Variants in ATG7 observed in about 807,000 individuals in gnomAD.
ATG7 encodes ubiquitin-like modifier-activating enzyme ATG7.
ATG7 carries 70 observed loss-of-function variants against 82.4 expected under a neutral mutation model. That is an observed-to-expected ratio of 0.85 (90% confidence interval 0.70 to 1.04). The LOEUF is 1.04. ATG7 is among the 50% of genes least tolerant of loss of function. ATG7 has a pLI of 0.00. For missense variants in ATG7, 792 were observed against 864.3 expected (o/e 0.92, Z 1.05); for synonymous variants, 287 against 313.0 (o/e 0.92, Z 0.88).
intron 9 of ATG7, among the ~76,000 whole-genome samples, chr3:11,318,695 C>T (rs868139778): frequency 1.3e-5 from 2 of 152,168 alleles, no homozygotes; most frequent in African/African-American, 2.4e-5. Context: ...TCTTCAGTTC[C>T]AGTTCCTGTC....
chr3:11,378,569 C>T (rs1015832586), intron 18 of ATG7, among the ~76,000 whole-genome samples: 1 of 149,396 alleles, frequency 6.7e-6, no homozygotes, highest in Non-Finnish European at 1.5e-5. Flanking sequence ...CCTGTAATTC[C>T]AGCTACTCGG....
At chr3:11,560,555 C>T (rs1477063830), downstream of ATG7, among the ~76,000 whole-genome samples, 2 of 152,220 alleles carry the variant, frequency 1.3e-5, no homozygotes, top group African/African-American at 4.8e-5. Context: ...GCCAGACCTT[C>T]TCATGATAGA....
chr3:11,379,642 T>G (rs1471364081), intron 18 of ATG7, among the ~76,000 whole-genome samples: 1 of 152,232 alleles, frequency 6.6e-6, no homozygotes, highest in Non-Finnish European at 1.5e-5. Flanking sequence ...CCAGTGGACC[T>G]GTTCAACATT....
intron 19 of ATG7, among the ~76,000 whole-genome samples, chr3:11,390,209 T>A (rs566381883): frequency 5.3e-5 from 8 of 152,240 alleles, no homozygotes; most frequent in Non-Finnish European, 2.9e-5. Flanking sequence ...TACAATATTT[T>A]CGTTATTTCA....
chr3:11,563,787 A>G, the ATG7 span, among the ~76,000 whole-genome samples: 3 of 152,190 alleles, frequency 2.0e-5, no homozygotes, highest in Non-Finnish European at 4.4e-5. Context: ...TGAATCAAAC[A>G]AACAGGATTA....
intron 20 of ATG7, among the ~76,000 whole-genome samples, chr3:11,439,608 A>G (rs1363078517): frequency 6.6e-6 from 1 of 152,180 alleles, no homozygotes; most frequent in Non-Finnish European, 1.5e-5. Flanking sequence ...ATAGGACAGG[A>G]AAGTCACTAG....
At chr3:11,366,874 C>T (rs543420816) in intron 18 of ATG7, among the ~76,000 whole-genome samples, 2 of 151,726 alleles carry the variant, frequency 1.3e-5, no homozygotes, top group African/African-American at 4.8e-5. Flanking sequence ...TCTTTCTCCT[C>T]GTTTTCAAAT....
intron 20 of ATG7, among the ~76,000 whole-genome samples, chr3:11,508,774 T>A (rs2091884975): frequency 2.0e-5 from 3 of 152,160 alleles, no homozygotes; most frequent in Non-Finnish European, 4.4e-5. Flanking sequence ...TTTGAACTAA[T>A]AATCCTCAGT....
intron 18 of ATG7, among the ~76,000 whole-genome samples, chr3:11,365,948 G>A (rs972380977): frequency 6.6e-6 from 1 of 152,196 alleles, no homozygotes; most frequent in Non-Finnish European, 1.5e-5. Context: ...GGCCGGGCGC[G>A]GTGACTCATG....
chr3:11,475,438 G>A (rs906755355), intron 20 of ATG7, among the ~76,000 whole-genome samples: 3 of 152,154 alleles, frequency 2.0e-5, no homozygotes, highest in African/African-American at 4.8e-5. Context: ...GGCGAGATGC[G>A]TCAGGATTCA....
chr3:11,313,032 A>G (rs1020890966), intron 7 of ATG7, among the ~76,000 whole-genome samples: 2 of 152,212 alleles, frequency 1.3e-5, no homozygotes, highest in Non-Finnish European at 2.9e-5. Flanking sequence ...TATCAATTAC[A>G]TATTGCACAT....
rs1026496325 is a variant in ATG7, at chr3:11,555,639, G to A, written c.*796G>A. The stretch of plus-strand genomic sequence containing the variant: ...GCCAGGCCCAGAAAGGCCGAGCCTG[G>A]GCTGCCTTCCTGCCCCAGCCGAGGG... On this transcript the variant is annotated 3_prime_UTR_variant, in exon 21 of 21. Transcript: ENST00000693202. The A allele has an allele frequency of 6.6e-6, 1 of 152,234 alleles. No individual in the cohort carries two copies. Among genetic ancestry groups the A allele is most frequent in the Non-Finnish European group, 1.5e-5 (1 of 68,120 alleles). The allele number at this position is 152,234 out of a possible 1,614,324, so 9.4% of individuals were successfully genotyped here.
intron 19 of ATG7, among the ~76,000 whole-genome samples, chr3:11,388,705 G>C (rs571329587): frequency 6.6e-6 from 1 of 151,922 alleles, no homozygotes; most frequent in Admixed American, 6.6e-5. Flanking sequence ...TGGGATTACA[G>C]GTGTGAGCCA....
chr3:11,501,878 C>T (rs753757944), intron 20 of ATG7, among the ~76,000 whole-genome samples: 23 of 152,138 alleles, frequency 1.5e-4, no homozygotes, highest in Non-Finnish European at 3.2e-4. Context: ...TTAGCAGAGA[C>T]GGGGTTTCAC....
intron 20 of ATG7, among the ~76,000 whole-genome samples, chr3:11,428,844 CT>C (rs1430531490): frequency 6.6e-6 from 1 of 152,164 alleles, no homozygotes; most frequent in African/African-American, 2.4e-5. Context: ...ATTTTTCACT[CT>C]TTAAAACAGA....
At chr3:11,539,727 A>G (rs905033188) in intron 20 of ATG7, among the ~76,000 whole-genome samples, 1 of 152,260 alleles carries the variant, frequency 6.6e-6, no homozygotes, top group Non-Finnish European at 1.5e-5. Flanking sequence ...TTAAAAAATA[A>G]AATCTATTGA....
the ATG7 span, among the ~76,000 whole-genome samples, chr3:11,566,886 C>G: frequency 2.0e-5 from 3 of 152,064 alleles, no homozygotes; most frequent in African/African-American, 4.8e-5. Context: ...AGAGACTTAA[C>G]GGGTGAATGA....
rs372553907 is a variant in ATG7, at chr3:11,381,560, T to TTA, written c.1956+1511_1956+1512dup. ...AGCATACCATCTAACTGGGCGTTCC[T>TTA]TATACTTTAAAAGAGAATAGCTTAG... On this transcript the variant is annotated intron_variant, in intron 19 of 20. Transcript: ENST00000693202. 6.0e-3 allele frequency among the ~76,000 whole-genome samples: 911 copies of TTA among 152,374 alleles called. 7 individuals are homozygous for TTA. The highest frequency in any genetic ancestry group is 0.02 in the African/African-American group (825 of 41,586).
chr3:11,430,822 T>G (rs2082805915), intron 20 of ATG7, among the ~76,000 whole-genome samples: 1 of 152,178 alleles, frequency 6.6e-6, no homozygotes, highest in Non-Finnish European at 1.5e-5. Flanking sequence ...GGGAATAGGA[T>G]GTCAAGAAAA....
Sources: gnomAD v4.1 joint callset for allele counts (sites outside exome capture counted in the v4.1 genomes callset) on GRCh38, gnomAD v4.1.1 for gene constraint, MANE v1.5 for transcripts, NCBI Gene and HGNC (gene_info 2026-07-23, HGNC 2026-07-21) for gene names.